Variants in DDC observed in about 807,000 individuals in gnomAD.
DDC encodes the protein aromatic-L-amino-acid decarboxylase.
A neutral mutation model predicts 60.0 loss-of-function variants in DDC; 43 were observed. That is an observed-to-expected ratio of 0.72 (90% CI 0.56 to 0.92). The LOEUF (loss-of-function observed/expected upper bound fraction) is 0.92. Among genes scored for constraint, DDC ranks in the 40% least tolerant of loss-of-function variants. DDC has a pLI of 0.00. For synonymous variants in DDC, 232 were observed against 234.6 expected, an observed-to-expected ratio of 0.99 and a Z score of 0.10; for missense variants, 573 against 620.2, an observed-to-expected ratio of 0.92 and a Z score of 0.81.
rs1442184832 is a variant in DDC at position 50,517,577 on chromosome 7, G to A, written c.714+10560C>T. Among the ~76,000 whole-genome samples the A allele has an allele frequency of 2.0e-5, 3 of 152,096 alleles. 1 individual carries two copies. Among genetic ancestry groups the A allele is most frequent in the East Asian group, 3.9e-4 (2 of 5,192 alleles). ...CATAGTACTGGAAATCCTAGCCACA[G>A]CAATCAGACAAGAGAAAGAAATAAA... On this transcript the variant is annotated intron_variant, in intron 6 of 14. Coordinates refer to ENST00000444124, the MANE Select transcript of DDC (RefSeq NM_001082971.2).
intron 1 of DDC, among the ~76,000 whole-genome samples, chr7:50,544,939 C>A (rs1227727699): frequency 6.6e-6 from 1 of 152,180 alleles, no homozygotes; most frequent in Non-Finnish European, 1.5e-5. Context: ...GGACTCACAG[C>A]CAACAGCACT....
At chr7:50,535,474 T>A (rs1463444886) in intron 4 of DDC, among the ~76,000 whole-genome samples, 1 of 152,184 alleles carries the variant, frequency 6.6e-6, no homozygotes, top group East Asian at 1.9e-4. Context: ...CCCCATTTAA[T>A]ATCACTTATG....
At chr7:50,536,888 C>T (rs1020687954) in intron 4 of DDC, among the ~76,000 whole-genome samples, 1 of 152,190 alleles carries the variant, frequency 6.6e-6, no homozygotes, top group Non-Finnish European at 1.5e-5. Flanking sequence ...ATTCTCAGAG[C>T]CTTGTGAAAG....
chr7:50,508,735 T>C (rs1484237247), intron 6 of DDC, among the ~76,000 whole-genome samples: 2 of 152,178 alleles, frequency 1.3e-5, no homozygotes, highest in Admixed American at 6.5e-5. Flanking sequence ...CATATAGTCA[T>C]TATGCACATG....
At chr7:50,502,429 G>A (rs1003851095) in intron 7 of DDC, among the ~76,000 whole-genome samples, 4 of 152,122 alleles carry the variant, frequency 2.6e-5, no homozygotes, top group African/African-American at 4.8e-5. Flanking sequence ...CTTTAAATCC[G>A]ATAGCCCTAG....
chr7:50,490,959 T>C (rs575319210), intron 9 of DDC, among the ~76,000 whole-genome samples: 88 of 152,366 alleles, frequency 5.8e-4, no homozygotes, highest in African/African-American at 2.1e-3. Context: ...AAATAAACTA[T>C]AGTACATCTG....
chr7:50,464,771 A>G (rs191031996), intron 13 of DDC, among the ~76,000 whole-genome samples: 35 of 152,316 alleles, frequency 2.3e-4, no homozygotes, highest in African/African-American at 8.2e-4. Flanking sequence ...CCGTGATGCC[A>G]TAGCAACATC....
chr7:50,479,215 T>C (rs1370381671), intron 10 of DDC, among the ~76,000 whole-genome samples: 1 of 152,122 alleles, frequency 6.6e-6, no homozygotes, highest in Non-Finnish European at 1.5e-5. Context: ...ACTCATCCCC[T>C]CCCTGCTAGA....
Position 50,499,213 on chromosome 7 carries a change from C to G in DDC, c.811G>C (p.Asp271His). 1 of 1,613,594 alleles carries G rather than the reference C, an allele frequency of 6.2e-7. No individual in the cohort carries two copies. The highest frequency in any genetic ancestry group is 8.5e-7 in the Non-Finnish European group (1 of 1,179,744). The change falls in exon 8 of 15, where the codon GAT (aspartate) becomes CAT (histidine). Residue 271 changes from aspartate (D) to histidine (H), a missense_variant. Physicochemically the swap from Asp to His is moderately conservative, Grantham distance 81. Coordinates refer to ENST00000444124, the MANE Select transcript of DDC (RefSeq NM_001082971.2). ...AATGCACTGCCTGCGTAGGCTGCAT[C>G]AACGTGCAGCCATATGTCTTCCTTG... is the stretch of plus-strand genomic sequence containing the variant. ...CNKEDIWLHVDAAYAGSAFIC... is the reference protein window; with the variant it reads ...CNKEDIWLHVHAAYAGSAFIC...
At chr7:50,490,217 C>T (rs2153538019) in intron 9 of DDC, among the ~76,000 whole-genome samples, 1 of 152,336 alleles carries the variant, frequency 6.6e-6, no homozygotes, top group African/African-American at 2.4e-5. Context: ...ATACCTTGTC[C>T]TTTACAGGGT....
At chr7:50,565,091 A>T (rs747392461) in intron 1 of DDC, among the ~76,000 whole-genome samples, 194 bp downstream of exon 1, 1 of 152,166 alleles carries the variant, frequency 6.6e-6, no homozygotes, top group Non-Finnish European at 1.5e-5. Flanking sequence ...GTGTGCATGG[A>T]GAGCCACCAA....
At chr7:50,479,616 C>T (rs1004748989) in intron 10 of DDC, among the ~76,000 whole-genome samples, 171 bp downstream of exon 10, 1 of 152,154 alleles carries the variant, frequency 6.6e-6, no homozygotes, top group African/African-American at 2.4e-5. Flanking sequence ...TCTTAACCAA[C>T]CCACAGGGAG....
At chr7:50,461,838 G>C (rs2042280629) in intron 14 of DDC, among the ~76,000 whole-genome samples, 1 of 152,132 alleles carries the variant, frequency 6.6e-6, no homozygotes. Flanking sequence ...TTCTTCCTCA[G>C]ACCCCAGGTC....
At chr7:50,526,119 A>G (rs1334927646) in intron 6 of DDC, among the ~76,000 whole-genome samples, 1 of 152,284 alleles carries the variant, frequency 6.6e-6, no homozygotes, top group East Asian at 1.9e-4. Flanking sequence ...GAGTAAATAA[A>G]AAGAAAATTA....
At chr7:50,466,308 T>G (rs1348493938) in intron 13 of DDC, among the ~76,000 whole-genome samples, 1 of 151,706 alleles carries the variant, frequency 6.6e-6, no homozygotes, top group Non-Finnish European at 1.5e-5. Context: ...ACCAACATGG[T>G]GAAACCCCAT....
At chr7:50,510,218 G>A (rs1364728416) in intron 6 of DDC, among the ~76,000 whole-genome samples, 10 of 151,880 alleles carry the variant, frequency 6.6e-5, no homozygotes, top group East Asian at 3.9e-4. Context: ...CTCATGATCC[G>A]CCCACCTTGG....
intron 14 of DDC, chr7:50,459,834 G>C (rs1263263014): frequency 6.7e-6 from 1 of 149,806 alleles, no homozygotes; most frequent in Admixed American, 6.6e-5. Flanking sequence ...AGGGAGGTGG[G>C]GGAATCAGCC....
chr7:50,499,027 A>C (rs1018126415), intron 8 of DDC, 121 bp downstream of exon 8: 102 of 822,614 alleles, frequency 1.2e-4, no homozygotes, highest in Non-Finnish European at 2.1e-4. Flanking sequence ...AATTGGTTCA[A>C]ACATAATTGG....
intron 1 of DDC, among the ~76,000 whole-genome samples, chr7:50,545,960 A>G (rs1210696396): frequency 5.3e-5 from 8 of 152,246 alleles, no homozygotes; most frequent in Non-Finnish European, 1.2e-4. Context: ...TCATACTCCA[A>G]AGTTTTGTAG....
Sources: gnomAD v4.1 joint callset for allele counts (sites outside exome capture counted in the v4.1 genomes callset) on GRCh38, gnomAD v4.1.1 for gene constraint, MANE v1.5 for transcripts, NCBI Gene and HGNC (gene_info 2026-07-23, HGNC 2026-07-21) for gene names.